UBE2L3: variants seen among roughly 807,000 people sequenced by gnomAD.
The protein encoded by UBE2L3 is ubiquitin-conjugating enzyme E2 L3.
Under a neutral mutation model 17.8 loss-of-function variants are expected in UBE2L3, and 1 was observed. The ratio of observed to expected loss-of-function variants is 0.06; its 90% confidence interval spans 0.02 to 0.27. The LOEUF is 0.27. Among genes scored for constraint, UBE2L3 ranks in the 10% least tolerant of loss-of-function variants. UBE2L3 has a pLI of 1.00. For missense variants in UBE2L3, 40 were observed against 192.6 expected, an observed-to-expected ratio of 0.21 and a Z score of 4.69; for synonymous variants, 44 against 68.5, an observed-to-expected ratio of 0.64 and a Z score of 1.76.
chr22:21,574,919 C>G (rs377426489), intron 1 of UBE2L3, among the ~76,000 whole-genome samples: 1 of 151,500 alleles, frequency 6.6e-6, no homozygotes, highest in East Asian at 1.9e-4. Context: ...GAGCTGAGAT[C>G]GTGCCACTGC....
intron 1 of UBE2L3, among the ~76,000 whole-genome samples, chr22:21,581,751 A>G (rs1181358288): frequency 6.6e-6 from 1 of 151,666 alleles, no homozygotes; most frequent in African/African-American, 2.4e-5. Flanking sequence ...GTGGTGAGCC[A>G]AGATCACAAC....
intron 1 of UBE2L3, among the ~76,000 whole-genome samples, chr22:21,570,975 A>C (rs1926933752): frequency 6.6e-6 from 1 of 152,244 alleles, no homozygotes; most frequent in African/African-American, 2.4e-5. Flanking sequence ...AGTGTAAAAC[A>C]CATTATTAAA....
At chr22:21,575,690 T>C (rs1027896194) in intron 1 of UBE2L3, among the ~76,000 whole-genome samples, 1 of 109,126 alleles carries the variant, frequency 9.2e-6, no homozygotes, top group Non-Finnish European at 1.7e-5. Context: ...TCACCCAGGC[T>C]GGAGTGCAGT....
chr22:21,571,772 G>C (rs1926980601), intron 1 of UBE2L3, among the ~76,000 whole-genome samples: 1 of 152,158 alleles, frequency 6.6e-6, no homozygotes, highest in South Asian at 2.1e-4. Flanking sequence ...AGTCATAGTA[G>C]GAGGAACCTC....
At chr22:21,604,323 A>AC (rs1428657623) in intron 2 of UBE2L3, among the ~76,000 whole-genome samples, 4 of 151,934 alleles carry the variant, frequency 2.6e-5, no homozygotes, top group Non-Finnish European at 4.4e-5. Context: ...ACACGGTGAA[A>AC]CCCCGTCTCT....
chr22:21,615,724 C>T (rs1308924320), intron 3 of UBE2L3, among the ~76,000 whole-genome samples: 1 of 152,182 alleles, frequency 6.6e-6, no homozygotes, highest in Non-Finnish European at 1.5e-5. Flanking sequence ...ACTCTCGGCA[C>T]TCGTCTATCA....
In UBE2L3 at chr22:21,568,562, T is replaced by C. The variant is rs977004291; in HGVS notation, c.27+791T>C. 7.9e-5 allele frequency among the ~76,000 whole-genome samples: 12 copies of C among 152,300 alleles called. No individual in the cohort carries two copies. In the South Asian group the frequency reaches 2.3e-3, roughly 29 times the overall value. The stretch of plus-strand genomic sequence containing the variant: ...AGTTTATAATAATAATTTGGTACTT[T>C]GGATCTTGAATGCAGCAGGGTGCTT... On this transcript the variant is annotated intron_variant, in intron 1 of 3. Transcript: ENST00000342192.
intron 1 of UBE2L3, among the ~76,000 whole-genome samples, chr22:21,578,541 A>G (rs1360519346): frequency 6.6e-6 from 1 of 152,046 alleles, no homozygotes; most frequent in Non-Finnish European, 1.5e-5. Context: ...AGGAGCTGTC[A>G]GTCTGGTAGG....
intron 2 of UBE2L3, among the ~76,000 whole-genome samples, chr22:21,608,843 C>T (rs1008798929): frequency 7.3e-5 from 11 of 150,442 alleles, no homozygotes; most frequent in African/African-American, 2.2e-4. Context: ...TGGCCTCCCA[C>T]AGTGCTCAGA....
chr22:21,618,995 G>A (rs758070748), intron 3 of UBE2L3, among the ~76,000 whole-genome samples: 1 of 152,166 alleles, frequency 6.6e-6, no homozygotes, highest in African/African-American at 2.4e-5. Context: ...TACTCAGCCT[G>A]TCCTTAGCCC....
intron 1 of UBE2L3, among the ~76,000 whole-genome samples, chr22:21,573,810 A>G (rs946040820): frequency 1.2e-4 from 19 of 152,298 alleles, no homozygotes; most frequent in African/African-American, 4.3e-4. Context: ...TAGTTAGGCC[A>G]GCCCCTGAGA....
intron 1 of UBE2L3, among the ~76,000 whole-genome samples, chr22:21,575,862 G>A (rs1026307810): frequency 1.3e-5 from 2 of 151,338 alleles, no homozygotes; most frequent in African/African-American, 4.9e-5. Flanking sequence ...GGCTGGTCTC[G>A]AACTCCTGCC....
chr22:21,608,956 G>A (rs146040584), intron 2 of UBE2L3, among the ~76,000 whole-genome samples: 92 of 151,550 alleles, frequency 6.1e-4, no homozygotes, highest in African/African-American at 1.9e-3. Flanking sequence ...CTGCAGTGGC[G>A]CAATCTCCAC....
At chr22:21,603,619 G>A (rs1466699184) in intron 2 of UBE2L3, among the ~76,000 whole-genome samples, 13 of 151,054 alleles carry the variant, frequency 8.6e-5, no homozygotes. Context: ...TGAGGCGGGC[G>A]GATCATGAGG....
intron 2 of UBE2L3, among the ~76,000 whole-genome samples, chr22:21,607,079 G>T (rs1439621420): frequency 6.6e-6 from 1 of 152,156 alleles, no homozygotes; most frequent in African/African-American, 2.4e-5. Context: ...CCCTCCCAGG[G>T]CAGGGCTTGG....
upstream of UBE2L3, among the ~76,000 whole-genome samples, chr22:21,564,273 A>G (rs964890366): frequency 6.6e-6 from 1 of 152,050 alleles, no homozygotes; most frequent in Non-Finnish European, 1.5e-5. Context: ...GGCTCAAGCA[A>G]TCCTCCTGCC....
intron 1 of UBE2L3, among the ~76,000 whole-genome samples, chr22:21,569,164 G>A (rs1432522351): frequency 2.0e-5 from 3 of 151,948 alleles, no homozygotes; most frequent in Admixed American, 6.6e-5. Flanking sequence ...GGGAGGCCGA[G>A]GCGGGCGGAT....
chr22:21,598,687 C>A (rs538190897), intron 2 of UBE2L3, among the ~76,000 whole-genome samples: 1 of 151,538 alleles, frequency 6.6e-6, no homozygotes, highest in African/African-American at 2.4e-5. Flanking sequence ...AGCAGGACCC[C>A]GTCTCTATTT....
At chr22:21,617,442 A>G (rs949007236) in intron 3 of UBE2L3, among the ~76,000 whole-genome samples, 4 of 151,822 alleles carry the variant, frequency 2.6e-5, no homozygotes, top group African/African-American at 9.7e-5. Flanking sequence ...AGTTTTTTGT[A>G]TTTTAGTAGA....
Sources: gnomAD v4.1 joint callset for allele counts (sites outside exome capture counted in the v4.1 genomes callset) on GRCh38, gnomAD v4.1.1 for gene constraint, MANE v1.5 for transcripts, NCBI Gene and HGNC (gene_info 2026-07-23, HGNC 2026-07-21) for gene names.